AMZ1: variants seen among roughly 807,000 people sequenced by gnomAD.
The protein encoded by AMZ1 is archaemetzincin-1.
A neutral mutation model predicts 29.9 loss-of-function variants in AMZ1; 39 were observed. The observed-to-expected ratio is 1.30, with a 90% confidence interval of 1.01 to 1.70. AMZ1 has a LOEUF of 1.70. Among genes scored for constraint, AMZ1 ranks in the 40% most tolerant of loss-of-function variants. The pLI is 0.00. For synonymous variants in AMZ1, 458 were observed against 304.0 expected, an observed-to-expected ratio of 1.51 and a Z score of -5.27; for missense variants, 1,041 against 680.6, an observed-to-expected ratio of 1.53 and a Z score of -5.89.
intron 4 of AMZ1, among the ~76,000 whole-genome samples, chr7:2,746,976 T>C (rs1465669209): frequency 1.4e-5 from 2 of 147,878 alleles, no homozygotes; most frequent in African/African-American, 5.0e-5. Flanking sequence ...CAGGAAGAAG[T>C]TGAATCTCTG....
downstream of AMZ1, among the ~76,000 whole-genome samples, chr7:2,723,764 C>G (rs537941556): frequency 6.8e-4 from 103 of 151,588 alleles, no homozygotes; most frequent in African/African-American, 2.4e-3. Flanking sequence ...ACCCTGTTCT[C>G]AGAGACTCCC....
In AMZ1 at chr7:2,695,940, C is replaced by T. The variant is rs577277361; in HGVS notation, c.-218-4294C>T. Among the ~76,000 whole-genome samples, 48 of 141,640 alleles carry T rather than the reference C, an allele frequency of 3.4e-4. No individual in the cohort carries two copies. The South Asian group carries it at 3.6e-3, about 11-fold the overall frequency. 92.9% of individuals were successfully genotyped at this position (141,640 alleles called of 152,430 possible). A position where few individuals can be genotyped will look rare whatever the true frequency, so the allele number is the denominator to read the frequency against. ...CAGGAGAATCGCTTGAACCCGGAGGCGGAGGTTGCAGTGAGCTGAGATAGT... is the reference window on the plus strand; with the variant it reads ...CAGGAGAATCGCTTGAACCCGGAGGTGGAGGTTGCAGTGAGCTGAGATAGT... On this transcript the variant is annotated intron_variant, in intron 1 of 6. Transcript: ENST00000683327.
downstream of AMZ1, among the ~76,000 whole-genome samples, chr7:2,719,967 C>T (rs1789348974): frequency 6.6e-6 from 1 of 152,228 alleles, no homozygotes; most frequent in African/African-American, 2.4e-5. Flanking sequence ...AGGCGTCAGC[C>T]ACCGTGCCCA....
chr7:2,746,214 T>A (rs1583227564), intron 4 of AMZ1, among the ~76,000 whole-genome samples: 1 of 152,242 alleles, frequency 6.6e-6, no homozygotes, highest in East Asian at 1.9e-4. Context: ...CAACAGAATA[T>A]ACATTCTTTT....
intron 4 of AMZ1, among the ~76,000 whole-genome samples, chr7:2,727,323 G>A (rs754652303): frequency 1.3e-5 from 2 of 152,086 alleles, no homozygotes; most frequent in East Asian, 3.9e-4. Context: ...CTTGTGATCC[G>A]CTCGCCTCGG....
At chr7:2,724,821 G>A (rs531201049) in intron 4 of AMZ1, among the ~76,000 whole-genome samples, 11 of 152,314 alleles carry the variant, frequency 7.2e-5, no homozygotes, top group South Asian at 6.2e-4. Flanking sequence ...CGAGGCTGCC[G>A]GGCGCGTGAG....
intron 4 of AMZ1, among the ~76,000 whole-genome samples, chr7:2,741,365 C>A (rs898953094): frequency 2.0e-5 from 3 of 152,052 alleles, no homozygotes; most frequent in African/African-American, 7.2e-5. Flanking sequence ...TTAAAAAAAA[C>A]CCAAAAACCT....
At position 2,690,210 on chromosome 7, in the gene AMZ1, A is replaced by T. The variant is rs369064219; in HGVS notation, c.-219+1914A>T. On this transcript the variant is annotated intron_variant, in intron 1 of 6. Coordinates refer to ENST00000683327, the MANE Select transcript of AMZ1 (RefSeq NM_001384743.1). Reference sequence around the variant, plus strand: ...GTGGCTGTGTTTTTGTGTGTGTGTGAGAGAGAGAGAGAGACAGACAGACAG... The same window carrying T: ...GTGGCTGTGTTTTTGTGTGTGTGTGTGAGAGAGAGAGAGACAGACAGACAG... Among the ~76,000 whole-genome samples the T allele has an allele frequency of 8.7e-3, 1,308 of 150,208 alleles. 20 individuals are homozygous for T. Among genetic ancestry groups the T allele is most frequent in the African/African-American group, 0.028 (1,134 of 41,048 alleles).
In AMZ1 at chr7:2,737,264, G is replaced by GTTTTTTTTTT. The variant is rs201866976; in HGVS notation, n.551-27444_551-27443insTTTTTTTTTT. On this transcript the variant is annotated intron_variant and non_coding_transcript_variant, in intron 4 of 4. Transcript: ENST00000489665. Reference sequence around the variant, plus strand: ...CTGCCCATTCAGGAGCTATCTCACAGTTTTGTTTTGTTTTTTTTTTTTTTG... The same window carrying GTTTTTTTTTT: ...CTGCCCATTCAGGAGCTATCTCACAGTTTTTTTTTTTTTTGTTTTGTTTTTTTTTTTTTTG... Among the ~76,000 whole-genome samples the GTTTTTTTTTT allele has an allele frequency of 5.7e-5, 3 of 52,488 alleles. 1 individual carries two copies. Among genetic ancestry groups the GTTTTTTTTTT allele is most frequent in the South Asian group, 6.8e-4 (1 of 1,468 alleles). 34.4% of individuals were successfully genotyped at this position (52,488 alleles called of 152,430 possible).
rs59438885 is a variant in AMZ1 at position 2,709,124 on chromosome 7, G to C, written c.651G>C (p.Ser217=). 0.14 allele frequency: 228,025 copies of C among 1,598,028 alleles called. 21,285 individuals are homozygous for C. The highest frequency in any genetic ancestry group is 0.56 in the East Asian group (24,652 of 44,194). Reference sequence around the variant, plus strand: ...GGTTCTCAGGGGAATTCCCGAAGTCGGGGCCCAGCGCCCCTGATCTGGCCC... The same window carrying C: ...GGTTCTCAGGGGAATTCCCGAAGTCCGGGCCCAGCGCCCCTGATCTGGCCC... The part of the protein sequence containing the change: ...FARFSGEFPK[S]GPSAPDLALV... Residue 217 remains serine (S), a synonymous_variant, in exon 5 of 7, where the codon TCG becomes TCC. Transcript: ENST00000683327.
In AMZ1 at chr7:2,717,786, T is replaced by C. The variant is rs6965989; in HGVS notation, c.*4908T>C. Reference sequence around the variant, plus strand: ...CTTGATGAATGAGAACCCGGAAGAATGGAGGTTTATTTTTGAACTCAGCTT... The same window carrying C: ...CTTGATGAATGAGAACCCGGAAGAACGGAGGTTTATTTTTGAACTCAGCTT... On this transcript the variant is annotated 3_prime_UTR_variant, in exon 7 of 7. Coordinates refer to ENST00000683327, the MANE Select transcript of AMZ1 (RefSeq NM_001384743.1). 0.64 allele frequency among the ~76,000 whole-genome samples: 96,597 copies of C among 152,006 alleles called. 32,027 individuals are homozygous for C. The highest frequency in any genetic ancestry group is 0.81 in the African/African-American group (33,665 of 41,480).
chr7:2,719,826 G>T (rs1789342602), downstream of AMZ1, among the ~76,000 whole-genome samples: 1 of 151,938 alleles, frequency 6.6e-6, no homozygotes, highest in Non-Finnish European at 1.5e-5. Context: ...GATTACAGGT[G>T]CCTGCCACAC....
In AMZ1 at chr7:2,741,430, A is replaced by G. The variant is rs56843447; in HGVS notation, n.551-23282A>G. ...CACCCAGTTTCCAGAGGCTTCCACCACAGAATCTCTAAAACCCAGCAAGTG... is the reference window on the plus strand; with the variant it reads ...CACCCAGTTTCCAGAGGCTTCCACCGCAGAATCTCTAAAACCCAGCAAGTG... On this transcript the variant is annotated intron_variant and non_coding_transcript_variant, in intron 4 of 4. Coordinates refer to the AMZ1 transcript ENST00000489665. Among the ~76,000 whole-genome samples, 143 of 152,320 alleles carry G rather than the reference A, an allele frequency of 9.4e-4. 1 individual carries two copies. Among genetic ancestry groups the G allele is most frequent in the African/African-American group, 3.0e-3 (125 of 41,572 alleles).
intron 4 of AMZ1, 84 bp from the exon 5 acceptor site, chr7:2,708,991 T>C (rs1788557790): frequency 6.9e-7 from 1 of 1,453,462 alleles, no homozygotes; most frequent in Admixed American, 2.5e-5. Flanking sequence ...CCAGCTTGCA[T>C]GAGAGCATGA....
rs763298548 is a variant in AMZ1, at chr7:2,712,378, G to A, written c.997G>A (p.Glu333Lys). The A allele has an allele frequency of 2.0e-5, 32 of 1,606,728 alleles. No individual in the cohort carries two copies. The highest frequency in any genetic ancestry group is 2.5e-5 in the Non-Finnish European group (30 of 1,176,706). ...GGTGGTGGGGACGTGGCCCAGCCAG[G>A]AGGCGGGGGAGCCGTCAGTGTGGGA... is the stretch of plus-strand genomic sequence containing the variant. The part of the protein sequence containing the change: ...QAVVGTWPSQ[E>K]AGEPSVWEDT... The change falls in exon 7 of 7, where the codon GAG becomes AAG. Residue 333 changes from glutamate to lysine, a missense_variant. Coordinates refer to ENST00000683327, the MANE Select transcript of AMZ1 (RefSeq NM_001384743.1).
chr7:2,744,184 G>A (rs1254680239), intron 4 of AMZ1, among the ~76,000 whole-genome samples: 13 of 152,354 alleles, frequency 8.5e-5, no homozygotes, highest in Admixed American at 7.2e-4. Flanking sequence ...GGTTCTCCCA[G>A]CACGCAGCTG....
chr7:2,763,762 G>T (rs1276613548), upstream of AMZ1, among the ~76,000 whole-genome samples: 1 of 152,160 alleles, frequency 6.6e-6, no homozygotes, highest in South Asian at 2.1e-4. Flanking sequence ...TCCCCCACAG[G>T]CTCTGCTTTT....
At chr7:2,693,617 G>A (rs1432738903) in intron 1 of AMZ1, among the ~76,000 whole-genome samples, 7 of 152,230 alleles carry the variant, frequency 4.6e-5, no homozygotes, top group Admixed American at 6.5e-5. Context: ...GTGCAGTGGC[G>A]CGATCTCCGC....
rs372832452 is a variant in AMZ1, at chr7:2,700,804, A to G, written c.304+49A>G. On this transcript the variant is annotated intron_variant, in intron 2 of 6. Coordinates refer to ENST00000683327, the MANE Select transcript of AMZ1 (RefSeq NM_001384743.1). ...GCACGCTCCTGGGGGACCAGCTTATATATAGCACAAGTGGGGGATGTCTGT... is the reference window on the plus strand; with the variant it reads ...GCACGCTCCTGGGGGACCAGCTTATGTATAGCACAAGTGGGGGATGTCTGT... 9 of 1,582,136 alleles carry G rather than the reference A, an allele frequency of 5.7e-6. No individual in the cohort carries two copies. In the African/African-American group the frequency reaches 8.1e-5, roughly 14 times the overall value.
Sources: gnomAD v4.1 joint callset for allele counts (sites outside exome capture counted in the v4.1 genomes callset) on GRCh38, gnomAD v4.1.1 for gene constraint, MANE v1.5 for transcripts, NCBI Gene and HGNC (gene_info 2026-07-23, HGNC 2026-07-21) for gene names.